Variants in TENM4 observed in about 807,000 individuals in gnomAD.
The protein encoded by TENM4 is teneurin-4.
Under a neutral mutation model 243.3 loss-of-function variants are expected in TENM4, and 82 were observed. That is an observed-to-expected ratio of 0.34 (90% CI 0.28 to 0.40). TENM4 has a LOEUF of 0.40. TENM4 is among the 10% of genes least tolerant of loss of function. The probability of loss-of-function intolerance (pLI) is 1.00; values close to 1 mark genes in which losing one functional copy is unlikely to be tolerated. For missense variants in TENM4, 3,138 were observed against 3,673.3 expected, an observed-to-expected ratio of 0.85 and a Z score of 3.77; for synonymous variants, 1,412 against 1,456.3, an observed-to-expected ratio of 0.97 and a Z score of 0.69.
intron 1 of TENM4, among the ~76,000 whole-genome samples, chr11:79,361,213 GA>G (rs1857582825): frequency 6.6e-6 from 1 of 152,182 alleles, no homozygotes; most frequent in East Asian, 1.9e-4. Context: ...TGAACTCAGG[GA>G]TCATCCCCCG....
At chr11:79,201,745 C>T (rs1590789861) in intron 3 of TENM4, among the ~76,000 whole-genome samples, 1 of 152,130 alleles carries the variant, frequency 6.6e-6, no homozygotes, top group South Asian at 2.1e-4. Context: ...TGGCTGAAAG[C>T]CCTCTGATTT....
chr11:78,832,452 C>T (rs1858006169), intron 12 of TENM4, among the ~76,000 whole-genome samples: 2 of 152,256 alleles, frequency 1.3e-5, no homozygotes, highest in South Asian at 4.1e-4. Flanking sequence ...CACGCACACA[C>T]ACAACACCAA....
intron 25 of TENM4, among the ~76,000 whole-genome samples, chr11:78,717,041 G>C (rs1377145631): frequency 2.0e-5 from 3 of 152,214 alleles, no homozygotes; most frequent in Non-Finnish European, 2.9e-5. Flanking sequence ...CCAGTATCCT[G>C]AGCAGGGCTG....
At chr11:79,355,844 C>T (rs1857488357) in intron 1 of TENM4, among the ~76,000 whole-genome samples, 1 of 152,150 alleles carries the variant, frequency 6.6e-6, no homozygotes, top group Admixed American at 6.5e-5. Flanking sequence ...ACACATGAGA[C>T]CACAGTGACA....
chr11:79,100,330 G>A (rs75405045), intron 4 of TENM4, among the ~76,000 whole-genome samples: 1,712 of 151,972 alleles, frequency 0.011, 26 homozygotes, highest in African/African-American at 0.038. Context: ...AGTACCCAAA[G>A]CTCCAGCCTC....
At chr11:79,379,239 G>C (rs955102339) in intron 1 of TENM4, among the ~76,000 whole-genome samples, 1 of 152,174 alleles carries the variant, frequency 6.6e-6, no homozygotes, top group Non-Finnish European at 1.5e-5. Context: ...AGTGGACTAG[G>C]TTGAGAACAG....
At chr11:79,329,651 G>A (rs1368517653) in intron 1 of TENM4, among the ~76,000 whole-genome samples, 1 of 152,196 alleles carries the variant, frequency 6.6e-6, no homozygotes, top group Non-Finnish European at 1.5e-5. Context: ...GGGCAGAGCA[G>A]TCCCAGCAGG....
Position 79,085,388 on chromosome 11 carries a change from A to AGG in TENM4, c.-65-15381_-65-15380dup, listed in dbSNP as rs1555005369. The stretch of plus-strand genomic sequence containing the variant: ...CGAGACTCTGTCTCAAAAAAAAAAA[A>AGG]GGGGGGTTTTTTTTTTGGGTCAGGC... On this transcript the variant is annotated intron_variant, in intron 4 of 33. Transcript: ENST00000278550. Among the ~76,000 whole-genome samples, 230 of 132,236 alleles carry AGG rather than the reference A, an allele frequency of 1.7e-3. 2 individuals are homozygous for AGG. Among genetic ancestry groups the AGG allele is most frequent in the African/African-American group, 3.5e-3 (123 of 34,796 alleles). 86.8% of individuals were successfully genotyped at this position (132,236 alleles called of 152,430 possible).
intron 1 of TENM4, among the ~76,000 whole-genome samples, chr11:79,362,236 T>C (rs746439746): frequency 9.2e-5 from 14 of 152,182 alleles, no homozygotes; most frequent in Non-Finnish European, 1.8e-4. Context: ...TTTTGCACCA[T>C]TTCACCTCAC....
intron 4 of TENM4, among the ~76,000 whole-genome samples, chr11:79,072,955 C>T (rs1822190824): frequency 6.6e-6 from 1 of 152,158 alleles, no homozygotes; most frequent in Non-Finnish European, 1.5e-5. Context: ...CTTGCTTTTA[C>T]TATGATTATA....
chr11:79,192,172 G>T (rs1863523315), intron 3 of TENM4, among the ~76,000 whole-genome samples: 1 of 151,018 alleles, frequency 6.6e-6, no homozygotes, highest in Non-Finnish European at 1.5e-5. Flanking sequence ...CCGGCCAGCT[G>T]CCCGGTCTGG....
At chr11:79,368,104 C>T (rs1857711392) in intron 1 of TENM4, among the ~76,000 whole-genome samples, 1 of 152,126 alleles carries the variant, frequency 6.6e-6, no homozygotes, top group Admixed American at 6.5e-5. Context: ...ACGCCAGAGT[C>T]CCACCCCAAG....
At chr11:79,340,571 T>C in intron 1 of TENM4, among the ~76,000 whole-genome samples, 1 of 152,136 alleles carries the variant, frequency 6.6e-6, no homozygotes, top group East Asian at 1.9e-4. Flanking sequence ...CGTTTGCTTC[T>C]AGAGTCACAG....
At chr11:79,309,957 G>T (rs1484628459) in intron 1 of TENM4, among the ~76,000 whole-genome samples, 2 of 152,188 alleles carry the variant, frequency 1.3e-5, no homozygotes, top group Non-Finnish European at 1.5e-5. Flanking sequence ...GCCTGTGGGA[G>T]CCTGTCCTGA....
intron 2 of TENM4, among the ~76,000 whole-genome samples, chr11:79,245,677 C>T (rs575802722): frequency 3.0e-4 from 46 of 152,168 alleles, no homozygotes; most frequent in African/African-American, 9.4e-4. Context: ...CAGTGGCTCA[C>T]GCTCGTAATC....
Position 78,918,865 on chromosome 11 carries a change from A to G in TENM4, c.494-15342T>C, listed in dbSNP as rs190072790. Among the ~76,000 whole-genome samples the G allele has an allele frequency of 3.0e-3, 452 of 152,284 alleles. 2 individuals are homozygous for G. The Middle Eastern group carries it at 0.031, about 10-fold the overall frequency. The stretch of plus-strand genomic sequence containing the variant: ...AAAGTAGAAAGACCAAGCTGCCTTC[A>G]TGTTCTAGAGAGGACAAGTGCTTCA... On this transcript the variant is annotated intron_variant, in intron 6 of 33. Transcript: ENST00000278550.
chr11:79,007,874 T>A lies in TENM4; in HGVS notation c.493+56864A>T, dbSNP rs377400196. Reference sequence around the variant, plus strand: ...GGCACAGGCCCATTTCTTCCTTTTTTTCCCACCAGTTCTGCCCTGGATCCC... The same window carrying A: ...GGCACAGGCCCATTTCTTCCTTTTTATCCCACCAGTTCTGCCCTGGATCCC... On this transcript the variant is annotated intron_variant, in intron 6 of 33. Transcript: ENST00000278550. 2.2e-3 allele frequency among the ~76,000 whole-genome samples: 330 copies of A among 152,328 alleles called. 1 individual carries two copies. Among genetic ancestry groups the A allele is most frequent in the African/African-American group, 7.3e-3 (305 of 41,576 alleles).
At chr11:79,374,367 C>G (rs917278370) in intron 1 of TENM4, among the ~76,000 whole-genome samples, 3 of 151,952 alleles carry the variant, frequency 2.0e-5, no homozygotes, top group Non-Finnish European at 4.4e-5. Context: ...TTGCACACAC[C>G]CACACATCGA....
chr11:79,156,546 C>G (rs1195938934), intron 3 of TENM4, among the ~76,000 whole-genome samples: 1 of 152,164 alleles, frequency 6.6e-6, no homozygotes, highest in Non-Finnish European at 1.5e-5. Context: ...CCCTGAGTAA[C>G]TCCTTGTCCT....
Sources: gnomAD v4.1 joint callset for allele counts (sites outside exome capture counted in the v4.1 genomes callset) on GRCh38, gnomAD v4.1.1 for gene constraint, MANE v1.5 for transcripts, NCBI Gene and HGNC (gene_info 2026-07-23, HGNC 2026-07-21) for gene names.